The following STON2 variants were observed in gnomAD, a reference collection of about 807,000 sequenced individuals.
The protein encoded by STON2 is stonin-2.
In STON2, 29 loss-of-function variants were observed where a neutral mutation model predicts 65.7. The observed-to-expected ratio is 0.44, with a 90% CI of 0.33 to 0.60. The LOEUF (loss-of-function observed/expected upper bound fraction) is 0.60. Among genes scored for constraint, STON2 ranks in the 20% least tolerant of loss-of-function variants. The probability of loss-of-function intolerance (pLI) is 0.03; values close to 1 mark genes in which losing one functional copy is unlikely to be tolerated. For synonymous variants in STON2, 404 were observed against 414.2 expected (o/e 0.98, Z 0.30); for missense variants, 1,054 against 1,118.1 (o/e 0.94, Z 0.82).
chr14:81,377,851 G>GT (rs369875099), intron 3 of STON2, among the ~76,000 whole-genome samples: 2,794 of 143,296 alleles, frequency 0.019, 34 homozygotes, highest in South Asian at 0.049. Flanking sequence ...TCATTTTTTT[G>GT]TTTTTTTTTT....
chr14:81,350,195 G>A lies in STON2; in HGVS notation c.571+20793C>T, dbSNP rs536539368. On this transcript the variant is annotated intron_variant, in intron 4 of 7. Transcript: ENST00000614646. ...CACTGTATATTTGAAAATAGCTAGA[G>A]AGAATATGTGAAATGTTCCCAACAC... Among the ~76,000 whole-genome samples the A allele has an allele frequency of 6.6e-5, 10 of 152,212 alleles. No homozygotes were observed. The South Asian group carries it at 2.1e-3, about 32-fold the overall frequency.
chr14:81,321,551 TAC>T (rs1896823588), intron 5 of STON2, among the ~76,000 whole-genome samples: 1 of 152,086 alleles, frequency 6.6e-6, no homozygotes, highest in African/African-American at 2.4e-5. Context: ...TCTTTAAATA[TAC>T]AGTTTTCAAT....
chr14:81,373,036 C>T (rs1053361204), intron 3 of STON2, among the ~76,000 whole-genome samples: 2 of 152,188 alleles, frequency 1.3e-5, no homozygotes, highest in South Asian at 4.1e-4. Flanking sequence ...TCCAAAAATG[C>T]GAGGTCCCCT....
In STON2 at chr14:81,275,211, C is replaced by T. The variant is rs900091044; in HGVS notation, c.2581+1690G>A. Among the ~76,000 whole-genome samples, 6 of 152,204 alleles carry T rather than the reference C, an allele frequency of 3.9e-5. No individual in the cohort carries two copies. The South Asian group carries it at 8.3e-4, about 21-fold the overall frequency. On this transcript the variant is annotated intron_variant, in intron 6 of 7. Transcript: ENST00000614646. Reference sequence around the variant, plus strand: ...GAAATCACTTTGAAACAAATAGATACGTTTGTACATACTGGAAAAACTGCA... The same window carrying T: ...GAAATCACTTTGAAACAAATAGATATGTTTGTACATACTGGAAAAACTGCA...
intron 5 of STON2, among the ~76,000 whole-genome samples, chr14:81,317,781 C>A (rs1404380727): frequency 1.3e-5 from 2 of 152,260 alleles, no homozygotes; most frequent in East Asian, 3.9e-4. Context: ...ACACCACACA[C>A]ATAATACCCC....
In STON2 at chr14:81,306,167, C is replaced by CTCTCTA. The variant is rs760274489; in HGVS notation, c.742+17849_742+17850insTAGAGA. 8.9e-3 allele frequency among the ~76,000 whole-genome samples: 1,171 copies of CTCTCTA among 132,314 alleles called. 17 individuals carry two copies. The highest frequency in any genetic ancestry group is 0.022 in the African/African-American group (715 of 31,902). 86.8% of individuals were successfully genotyped at this position (132,314 alleles called of 152,430 possible). A position where few individuals can be genotyped will look rare whatever the true frequency, so the allele number is the denominator to read the frequency against. Reference sequence around the variant, plus strand: ...GATTCTTTTAAATCTCTCTCTCTCTCTATATATATATATATATACACTCTA... The same window carrying CTCTCTA: ...GATTCTTTTAAATCTCTCTCTCTCTCTCTCTATATATATATATATATATACACTCTA... On this transcript the variant is annotated intron_variant, in intron 5 of 7. Coordinates refer to ENST00000614646, the MANE Select transcript of STON2 (RefSeq NM_001394390.1).
chr14:81,320,078 T>G (rs996635778), intron 5 of STON2, among the ~76,000 whole-genome samples: 1 of 152,178 alleles, frequency 6.6e-6, no homozygotes, highest in Non-Finnish European at 1.5e-5. Context: ...TGAGGTTAGC[T>G]GGCTGGTCTA....
rs1291589116 is a variant in STON2 at position 81,308,804 on chromosome 14, ATATATATATATATATATATATG to A, written c.742+15191_742+15212del. Among the ~76,000 whole-genome samples the A allele has an allele frequency of 4.9e-3, 77 of 15,854 alleles. 1 individual carries two copies. The highest frequency in any genetic ancestry group is 4.7e-3 in the Admixed American group (6 of 1,274). 10.4% of individuals were successfully genotyped at this position (15,854 alleles called of 152,430 possible). ...CCCATATATATATATATATATATAT[ATATATATATATATATATATATG>A]TGTGTGTGTGTATATATATATATAT... On this transcript the variant is annotated intron_variant, in intron 5 of 7. Coordinates refer to ENST00000614646, the MANE Select transcript of STON2 (RefSeq NM_001394390.1).
intron 2 of STON2, among the ~76,000 whole-genome samples, chr14:81,414,628 GA>G (rs904445418): frequency 3.4e-5 from 5 of 147,772 alleles, no homozygotes; most frequent in South Asian, 2.1e-4. Flanking sequence ...TACTAGATGT[GA>G]AAAAAAAAAT....
intron 4 of STON2, among the ~76,000 whole-genome samples, chr14:81,366,293 T>C (rs896465428): frequency 6.6e-6 from 1 of 152,196 alleles, no homozygotes; most frequent in Non-Finnish European, 1.5e-5. Context: ...GCCAAATCCC[T>C]GCAGAACTCT....
At chr14:81,273,880 G>A (rs1022789897) in intron 6 of STON2, among the ~76,000 whole-genome samples, 1 of 152,192 alleles carries the variant, frequency 6.6e-6, no homozygotes, top group Admixed American at 6.5e-5. Flanking sequence ...CGGGGCCTTT[G>A]ACCTCAGCTG....
Position 81,277,965 on chromosome 14 carries a change from A to G in STON2, c.1517T>C (p.Ile506Thr), listed in dbSNP as rs1566884857. ...NIMSSRHWGP[I>T]FVKLTDTGYL... ...ACCAGTGTCTGTCAGTTTGACGAAG[A>G]TCGGTCCCCAGTGCCTGGAGGACAT... Residue 506 changes from isoleucine to threonine, a missense_variant, in exon 6 of 8, where the codon ATC becomes ACC. Transcript: ENST00000614646. 6.2e-7 allele frequency: 1 copy of G among 1,614,164 alleles called. No individual in the cohort carries two copies. Among genetic ancestry groups the G allele is most frequent in the Non-Finnish European group, 8.5e-7 (1 of 1,180,032 alleles).
chr14:81,379,412 T>C (rs900749992), intron 3 of STON2, among the ~76,000 whole-genome samples: 5 of 152,270 alleles, frequency 3.3e-5, no homozygotes, highest in Middle Eastern at 6.8e-3. Context: ...TATGGAGATA[T>C]ATATATGGAG....
intron 5 of STON2, among the ~76,000 whole-genome samples, chr14:81,321,942 G>A (rs141350267): frequency 6.6e-6 from 1 of 152,324 alleles, no homozygotes; most frequent in African/African-American, 2.4e-5. Context: ...CCAGGTGGAG[G>A]TTAGGGGGTG....
intron 5 of STON2, among the ~76,000 whole-genome samples, chr14:81,286,536 T>C (rs1218454819): frequency 6.6e-6 from 1 of 152,246 alleles, no homozygotes; most frequent in Admixed American, 6.5e-5. Flanking sequence ...CATAATGCTA[T>C]TGCACAACTA....
intron 4 of STON2, among the ~76,000 whole-genome samples, chr14:81,348,855 A>G (rs1258037102): frequency 1.4e-5 from 2 of 146,912 alleles, no homozygotes; most frequent in Non-Finnish European, 3.0e-5. Context: ...AATATTATTC[A>G]AAGTTATAGT....
chr14:81,265,274 C>T lies in STON2; in HGVS notation c.*3140G>A. The T allele has an allele frequency of 1.0e-6, 1 of 984,020 alleles. No individual in the cohort carries two copies. Among genetic ancestry groups the T allele is most frequent in the Non-Finnish European group, 1.2e-6 (1 of 828,758 alleles). 61.0% of individuals were successfully genotyped at this position (984,020 alleles called of 1,614,324 possible). A position where few individuals can be genotyped will look rare whatever the true frequency, so the allele number is the denominator to read the frequency against. Reference sequence around the variant, plus strand: ...ATATAGTATTATTATCCCCAAACCCCTAAATGCTACCCATAATCAGTTTCC... The same window carrying T: ...ATATAGTATTATTATCCCCAAACCCTTAAATGCTACCCATAATCAGTTTCC... On this transcript the variant is annotated 3_prime_UTR_variant, in exon 8 of 8. Coordinates refer to ENST00000614646, the MANE Select transcript of STON2 (RefSeq NM_001394390.1).
At chr14:81,310,403 G>T (rs562177761) in intron 5 of STON2, among the ~76,000 whole-genome samples, 1 of 152,074 alleles carries the variant, frequency 6.6e-6, no homozygotes, top group Non-Finnish European at 1.5e-5. Flanking sequence ...TTCAACCTAT[G>T]AACAATTAAG....
chr14:81,418,821 T>C (rs750778121), intron 2 of STON2, among the ~76,000 whole-genome samples: 4 of 152,216 alleles, frequency 2.6e-5, no homozygotes, highest in Non-Finnish European at 5.9e-5. Context: ...ATTTGGAAGA[T>C]AGGAAATACA....
Sources: allele counts gnomAD v4.1 joint callset (sites outside exome capture counted in the v4.1 genomes callset), GRCh38; gene constraint gnomAD v4.1.1; transcripts MANE v1.5; gene names NCBI Gene and HGNC (gene_info 2026-07-23, HGNC 2026-07-21).